Variants in RPS6KA5 observed in about 807,000 individuals in gnomAD.
RPS6KA5 encodes the protein ribosomal protein S6 kinase A5, also known as ribosomal protein S6 kinase alpha-5.
Under a neutral mutation model 85.5 loss-of-function variants are expected in RPS6KA5, and 27 were observed. The ratio of observed to expected loss-of-function variants is 0.32; its 90% CI spans 0.23 to 0.44. RPS6KA5 has a LOEUF of 0.44. RPS6KA5 is among the 20% of genes least tolerant of loss of function. The pLI is 1.00. For missense variants in RPS6KA5, 811 were observed against 980.9 expected, an observed-to-expected ratio of 0.83 and a Z score of 2.31; for synonymous variants, 334 against 348.2, an observed-to-expected ratio of 0.96 and a Z score of 0.46.
chr14:90,930,566 G>A (rs987492043), intron 5 of RPS6KA5, among the ~76,000 whole-genome samples: 1 of 151,956 alleles, frequency 6.6e-6, no homozygotes, highest in African/African-American at 2.4e-5. Context: ...AAAAACTTCT[G>A]AATATCGAAG....
chr14:91,044,361 A>C (rs1426170127), intron 1 of RPS6KA5, among the ~76,000 whole-genome samples: 1 of 19,224 alleles, frequency 5.2e-5, no homozygotes, highest in Non-Finnish European at 1.6e-4. Flanking sequence ...GAAAGAAAGA[A>C]AGAGAAAGAA....
chr14:91,044,222 A>G (rs975282887), intron 1 of RPS6KA5, among the ~76,000 whole-genome samples: 7 of 149,124 alleles, frequency 4.7e-5, no homozygotes, highest in Non-Finnish European at 8.9e-5. Flanking sequence ...AGTAAAACGA[A>G]AGAGAGAAAG....
intron 7 of RPS6KA5, among the ~76,000 whole-genome samples, chr14:90,917,658 A>G (rs1033934594): frequency 6.6e-6 from 1 of 152,148 alleles, no homozygotes; most frequent in South Asian, 2.1e-4. Context: ...TATATATTCT[A>G]TATTTTCTCG....
chr14:90,955,664 A>G (rs910901450), intron 3 of RPS6KA5, among the ~76,000 whole-genome samples: 1 of 152,098 alleles, frequency 6.6e-6, no homozygotes, highest in Non-Finnish European at 1.5e-5. Context: ...ATGGGCTGGC[A>G]TATGATCTAC....
At chr14:91,031,867 CAA>C (rs745745000) in intron 1 of RPS6KA5, among the ~76,000 whole-genome samples, 8 of 152,012 alleles carry the variant, frequency 5.3e-5, no homozygotes, top group South Asian at 4.2e-4. Context: ...ATTGATGACT[CAA>C]GAGTTTTAAA....
At chr14:90,972,686 G>A (rs1360456173) in intron 3 of RPS6KA5, among the ~76,000 whole-genome samples, 2 of 152,216 alleles carry the variant, frequency 1.3e-5, no homozygotes, top group East Asian at 3.8e-4. Flanking sequence ...CAGTAGAGGA[G>A]TAGAGGAGGT....
At chr14:90,921,463 T>C (rs1400079297) in intron 6 of RPS6KA5, among the ~76,000 whole-genome samples, 2 of 152,192 alleles carry the variant, frequency 1.3e-5, no homozygotes, top group South Asian at 2.1e-4. Flanking sequence ...TATGTGAAAA[T>C]TGGTTCCATT....
Position 90,861,241 on chromosome 14 carries a change from G to A in RPS6KA5, c.*10833C>T, listed in dbSNP as rs1437016032. 17 of 150,638 alleles carry A rather than the reference G, an allele frequency of 1.1e-4. No individual in the cohort carries two copies. Among genetic ancestry groups the A allele is most frequent in the African/African-American group, 3.4e-4 (14 of 41,074 alleles). 9.3% of individuals were successfully genotyped at this position (150,638 alleles called of 1,614,324 possible). ...TAGTACTACTAATAAAAATAATGTC[G>A]GCCGGGCGCGGTGGCTCACGCCTGT... On this transcript the variant is annotated 3_prime_UTR_variant, in exon 17 of 17. Coordinates refer to ENST00000614987, the MANE Select transcript of RPS6KA5 (RefSeq NM_004755.4).
At position 91,051,966 on chromosome 14, in the gene RPS6KA5, C is replaced by T. The variant is rs759171254; in HGVS notation, c.103+8366G>A. ...AGACAAGGAACTAACTTTGTCTATA[C>T]CAGAATTTCCATGGAAATGCCACAG... On this transcript the variant is annotated intron_variant, in intron 1 of 16. Transcript: ENST00000614987. 3.8e-4 allele frequency among the ~76,000 whole-genome samples: 58 copies of T among 152,196 alleles called. No individual in the cohort carries two copies. In the Middle Eastern group the frequency reaches 0.01, roughly 27 times the overall value.
intron 2 of RPS6KA5, among the ~76,000 whole-genome samples, chr14:90,993,724 T>C (rs2040401103): frequency 6.6e-6 from 1 of 152,238 alleles, no homozygotes; most frequent in African/African-American, 2.4e-5. Context: ...AGTTTCTCTC[T>C]GATGTATCTA....
intron 3 of RPS6KA5, among the ~76,000 whole-genome samples, chr14:90,974,098 G>A (rs1274777422): frequency 6.7e-6 from 1 of 149,394 alleles, no homozygotes; most frequent in African/African-American, 2.5e-5. Flanking sequence ...TCACTTCTAG[G>A]AGAAAAAATA....
chr14:90,902,018 A>G (rs905196299), intron 9 of RPS6KA5, among the ~76,000 whole-genome samples: 1 of 150,188 alleles, frequency 6.7e-6, no homozygotes, highest in Non-Finnish European at 1.5e-5. Flanking sequence ...CTGTTTCTAC[A>G]ATTTTTTTTT....
intron 1 of RPS6KA5, chr14:91,052,347 A>G (rs1434468758): frequency 5.0e-6 from 2 of 399,178 alleles, no homozygotes; most frequent in Non-Finnish European, 4.8e-6. Context: ...GGGTGCCTGT[A>G]ATCCCAGCCA....
intron 3 of RPS6KA5, among the ~76,000 whole-genome samples, chr14:90,974,771 A>G (rs895077107): frequency 1.3e-5 from 2 of 152,234 alleles, no homozygotes; most frequent in African/African-American, 4.8e-5. Flanking sequence ...CTCCATCTGA[A>G]CACCAGGTGA....
At chr14:90,901,505 A>C (rs1035175060) in intron 9 of RPS6KA5, among the ~76,000 whole-genome samples, 1 of 152,232 alleles carries the variant, frequency 6.6e-6, no homozygotes, top group African/African-American at 2.4e-5. Flanking sequence ...TTTAAAATTG[A>C]GTTTTGGAAA....
chr14:90,978,918 G>T (rs1451203568), intron 2 of RPS6KA5, among the ~76,000 whole-genome samples: 2 of 152,092 alleles, frequency 1.3e-5, no homozygotes, highest in Admixed American at 6.5e-5. Flanking sequence ...GTAGACAAAT[G>T]AAGGCAGTTC....
chr14:90,856,109 A>C lies in RPS6KA5; in HGVS notation c.*15965T>G, dbSNP rs1321189564. Reference sequence around the variant, plus strand: ...TTGACATCTGTCCGAGCACTACCCAATAATGGGAAAAGTATGATTCCCAAG... The same window carrying C: ...TTGACATCTGTCCGAGCACTACCCACTAATGGGAAAAGTATGATTCCCAAG... On this transcript the variant is annotated 3_prime_UTR_variant, in exon 17 of 17. Transcript: ENST00000614987. 1 of 152,240 alleles carries C rather than the reference A, an allele frequency of 6.6e-6. No individual in the cohort carries two copies. The highest frequency in any genetic ancestry group is 1.5e-5 in the Non-Finnish European group (1 of 68,030). The allele number at this position is 152,240 out of a possible 1,614,324, so 9.4% of individuals were successfully genotyped here. A position where few individuals can be genotyped will look rare whatever the true frequency, so the allele number is the denominator to read the frequency against.
At position 90,870,199 on chromosome 14, in the gene RPS6KA5, C is replaced by T. The variant is rs1170710280; in HGVS notation, c.*1875G>A. 1 of 152,100 alleles carries T rather than the reference C, an allele frequency of 6.6e-6. No homozygotes were observed. Among genetic ancestry groups the T allele is most frequent in the South Asian group, 2.1e-4 (1 of 4,820 alleles). 9.4% of individuals were successfully genotyped at this position (152,100 alleles called of 1,614,324 possible). A position where few individuals can be genotyped will look rare whatever the true frequency, so the allele number is the denominator to read the frequency against. ...TGGCTTGAAGAGCCAAATATGTTCC[C>T]AATATGTCCAATATAATTATAAATA... On this transcript the variant is annotated 3_prime_UTR_variant, in exon 17 of 17. Coordinates refer to ENST00000614987, the MANE Select transcript of RPS6KA5 (RefSeq NM_004755.4).
chr14:91,015,614 C>T (rs890450619), intron 1 of RPS6KA5, among the ~76,000 whole-genome samples: 3 of 152,224 alleles, frequency 2.0e-5, no homozygotes, highest in African/African-American at 4.8e-5. Flanking sequence ...CACTTCTACA[C>T]GTAATTCTAT....
Sources: allele counts gnomAD v4.1 joint callset (sites outside exome capture counted in the v4.1 genomes callset), GRCh38; gene constraint gnomAD v4.1.1; transcripts MANE v1.5; gene names NCBI Gene and HGNC (gene_info 2026-07-23, HGNC 2026-07-21).